USP22: variants seen among roughly 807,000 people sequenced by gnomAD.
The protein encoded by USP22 is ubiquitin carboxyl-terminal hydrolase 22.
A neutral mutation model predicts 68.1 loss-of-function variants in USP22; 22 were observed. That is an observed-to-expected ratio of 0.32 (90% CI 0.23 to 0.46). USP22 has a LOEUF of 0.46. USP22 is among the 20% of genes least tolerant of loss of function. The pLI is 1.00. For missense variants in USP22, 433 were observed against 695.8 expected, an observed-to-expected ratio of 0.62 and a Z score of 4.25; for synonymous variants, 279 against 274.2, an observed-to-expected ratio of 1.02 and a Z score of -0.17.
intron 7 of USP22, among the ~76,000 whole-genome samples, chr17:21,011,810 A>G (rs971206193): frequency 1.3e-5 from 2 of 152,222 alleles, no homozygotes; most frequent in African/African-American, 4.8e-5. Context: ...ACAATATAAA[A>G]AATGAAAACT....
At chr17:21,030,996 AGAT>A (rs775626504) in intron 1 of USP22, among the ~76,000 whole-genome samples, 3 of 152,252 alleles carry the variant, frequency 2.0e-5, no homozygotes, top group African/African-American at 4.8e-5. Flanking sequence ...GTCAGCCCTC[AGAT>A]GATTCAGAAA....
intron 2 of USP22, among the ~76,000 whole-genome samples, chr17:21,025,635 T>C (rs956202574): frequency 6.6e-6 from 1 of 152,190 alleles, no homozygotes; most frequent in African/African-American, 2.4e-5. Context: ...GAATGTGGTC[T>C]ACATAAACAA....
chr17:21,007,034 A>C (rs1397950905), intron 9 of USP22, 47 bp from the exon 10 acceptor site: 4 of 1,515,086 alleles, frequency 2.6e-6, no homozygotes, highest in Non-Finnish European at 3.6e-6. Flanking sequence ...GAAGATCAGA[A>C]ATGTCACTGG....
intron 10 of USP22, 80 bp downstream of exon 10, chr17:21,006,816 A>G: frequency 8.1e-7 from 1 of 1,230,316 alleles, no homozygotes; most frequent in South Asian, 1.7e-5. Flanking sequence ...AGTCATCTTA[A>G]TAGGAGCTCC....
intron 2 of USP22, among the ~76,000 whole-genome samples, chr17:21,027,078 G>A (rs986194567): frequency 2.6e-5 from 4 of 151,372 alleles, no homozygotes; most frequent in Middle Eastern, 3.2e-3. Flanking sequence ...ACAGACATGA[G>A]CCACCACGCC....
At chr17:21,032,709 TG>T (rs1428825635) in intron 1 of USP22, among the ~76,000 whole-genome samples, 2 of 151,646 alleles carry the variant, frequency 1.3e-5, no homozygotes, top group Non-Finnish European at 2.9e-5. Context: ...GAGGCCGAGG[TG>T]GGAGGACAGC....
chr17:21,008,608 T>A (rs11870737), intron 8 of USP22, among the ~76,000 whole-genome samples: 1 of 151,786 alleles, frequency 6.6e-6, no homozygotes, highest in Non-Finnish European at 1.5e-5. Context: ...GGTTACAGAG[T>A]GGGTGGTGAG....
Position 21,011,287 on chromosome 17 carries a change from G to A in USP22, c.967C>T (p.Pro323Ser). The change falls in exon 8 of 13, where the codon CCC becomes TCC. Residue 323 changes from proline (P) to serine (S), a missense_variant. Pro to Ser is a moderately conservative substitution (Grantham distance 74). This residue lies in a region of USP22 where 178 missense variants were observed against 351.5 expected (regional missense o/e 0.51). Coordinates refer to ENST00000261497, the MANE Select transcript of USP22 (RefSeq NM_015276.2). ...AGATCCAAGCTGATGTCCCAGAAGG[G>A]GTCGATGGTGGTGGAGACTCCACTG... ...VCHGVSTTID[P>S]FWDISLDLPG... The A allele has an allele frequency of 6.4e-7, 1 of 1,564,038 alleles. No individual in the cohort carries two copies. Among genetic ancestry groups the A allele is most frequent in the Non-Finnish European group, 8.7e-7 (1 of 1,153,648 alleles).
At chr17:21,007,080 T>A in intron 9 of USP22, 93 bp from the exon 10 acceptor site, 2 of 1,084,494 alleles carry the variant, frequency 1.8e-6, no homozygotes, top group Non-Finnish European at 2.6e-6. Context: ...CAGGTGTCTG[T>A]GTTATCTCTT....
upstream of USP22, chr17:21,043,303 C>CCCCCCCCCCCCCCG (rs1567596626): frequency 2.6e-4 from 14 of 53,672 alleles, no homozygotes; most frequent in Non-Finnish European, 6.1e-4. Flanking sequence ...TAGGCCACCC[C>CCCCCCCCCCCCCCG]CCCCCCCCCC....
intron 4 of USP22, 65 bp downstream of exon 4, chr17:21,019,019 A>G: frequency 1.3e-6 from 2 of 1,538,506 alleles, no homozygotes; most frequent in Non-Finnish European, 1.8e-6. Context: ...GAAACCCACA[A>G]TTCTGTATTT....
intron 2 of USP22, among the ~76,000 whole-genome samples, chr17:21,025,380 GAACA>G (rs1324373685): frequency 6.6e-6 from 1 of 152,148 alleles, no homozygotes; most frequent in Non-Finnish European, 1.5e-5. Flanking sequence ...GCAAGGATGT[GAACA>G]AACTGGAAAG....
Position 21,036,321 on chromosome 17 carries a change from A to G in USP22, c.171+6344T>C, listed in dbSNP as rs148267730. Among the ~76,000 whole-genome samples the G allele has an allele frequency of 4.4e-3, 664 of 152,248 alleles. 7 individuals carry two copies. Among genetic ancestry groups the G allele is most frequent in the African/African-American group, 0.015 (629 of 41,538 alleles). On this transcript the variant is annotated intron_variant, in intron 1 of 12. Transcript: ENST00000261497. ...CTGAGCTTTAAAGCACAAAGAGCAAACCTTAATATATGCGATTTTAAAAAT... is the reference window on the plus strand; with the variant it reads ...CTGAGCTTTAAAGCACAAAGAGCAAGCCTTAATATATGCGATTTTAAAAAT...
At chr17:21,018,418 T>G in intron 4 of USP22, 1 of 182,936 alleles carries the variant, frequency 5.5e-6, no homozygotes, top group Admixed American at 6.7e-5. Context: ...CAAAACAGGT[T>G]TTTAAAAATG....
At chr17:21,022,400 A>C (rs896980510) in intron 2 of USP22, among the ~76,000 whole-genome samples, 3 of 152,228 alleles carry the variant, frequency 2.0e-5, no homozygotes, top group African/African-American at 7.2e-5. Flanking sequence ...ATAAAATAAA[A>C]TAGGACTAAT....
intron 5 of USP22, among the ~76,000 whole-genome samples, chr17:21,016,484 C>G (rs976513281): frequency 3.9e-5 from 6 of 152,222 alleles, no homozygotes; most frequent in Non-Finnish European, 8.8e-5. Context: ...GAATTCAGGG[C>G]AGTTTTATTT....
At chr17:21,024,515 A>G (rs1036052366) in intron 2 of USP22, among the ~76,000 whole-genome samples, 4 of 152,188 alleles carry the variant, frequency 2.6e-5, no homozygotes, top group African/African-American at 9.7e-5. Flanking sequence ...TCCTTACCTC[A>G]TACTGTATAC....
intron 2 of USP22, among the ~76,000 whole-genome samples, chr17:21,022,924 CA>C (rs1278181464): frequency 6.6e-6 from 1 of 152,070 alleles, no homozygotes; most frequent in Non-Finnish European, 1.5e-5. Flanking sequence ...GACATGAGAT[CA>C]ACCTAAATGC....
chr17:21,039,710 A>G (rs1457308585), intron 1 of USP22, among the ~76,000 whole-genome samples: 1 of 152,176 alleles, frequency 6.6e-6, no homozygotes, highest in Non-Finnish European at 1.5e-5. Flanking sequence ...TAGATAACAA[A>G]ACTCGTAATT....
Sources: allele counts gnomAD v4.1 joint callset (sites outside exome capture counted in the v4.1 genomes callset), GRCh38; gene constraint gnomAD v4.1.1; regional missense constraint gnomAD v4.1.1; transcripts MANE v1.5; gene names NCBI Gene and HGNC (gene_info 2026-07-23, HGNC 2026-07-21).